Variants in SLC9B1 observed in about 807,000 individuals in gnomAD.
SLC9B1 encodes sodium/hydrogen exchanger 9B1.
SLC9B1 carries 32 observed loss-of-function variants against 51.7 expected under a neutral mutation model. The observed-to-expected ratio is 0.62, with a 90% CI of 0.47 to 0.83. The LOEUF is 0.83. SLC9B1 is among the 40% of genes least tolerant of loss of function. SLC9B1 has a pLI of 0.00. For missense variants in SLC9B1, 406 were observed against 613.2 expected (o/e 0.66, Z 3.57); for synonymous variants, 145 against 212.7 (o/e 0.68, Z 2.77).
At chr4:102,955,358 T>C (rs2110482225) in intron 3 of SLC9B1, among the ~76,000 whole-genome samples, 1 of 152,352 alleles carries the variant, frequency 6.6e-6, no homozygotes, top group East Asian at 1.9e-4. Context: ...ATTAAACCTC[T>C]TTTTCTTCCC....
At chr4:102,987,598 C>A (rs1212015437) in intron 3 of SLC9B1, among the ~76,000 whole-genome samples, 1 of 151,960 alleles carries the variant, frequency 6.6e-6, no homozygotes, top group African/African-American at 2.4e-5. Context: ...GTAAGAAGAA[C>A]AGAATACTGT....
rs556689992 is a variant in SLC9B1, at chr4:102,929,722, A to G, written c.829+2402T>C. On this transcript the variant is annotated intron_variant, in intron 7 of 11. Transcript: ENST00000296422. ...TTTTTAGTAGAGATGGAGCTTTGCT[A>G]TGTTGGCCAGGCTGGTCTTGAACTC... Among the ~76,000 whole-genome samples the G allele has an allele frequency of 5.3e-5, 8 of 152,264 alleles. No individual in the cohort carries two copies. The South Asian group carries it at 6.2e-4, about 12-fold the overall frequency.
At chr4:102,904,983 CA>C (rs58493959) in intron 11 of SLC9B1, among the ~76,000 whole-genome samples, 78,663 of 144,010 alleles carry the variant, frequency 0.55, 21,625 homozygotes, top group African/African-American at 0.67. Context: ...GACTCTGTCT[CA>C]AAAAAAAAAA....
At chr4:103,007,326 C>G (rs1740838165) in intron 1 of SLC9B1, among the ~76,000 whole-genome samples, 1 of 152,098 alleles carries the variant, frequency 6.6e-6, no homozygotes, top group South Asian at 2.1e-4. Context: ...TATACACCAA[C>G]AAGTCCAAGC....
chr4:102,966,869 G>T (rs1738457195), intron 3 of SLC9B1, among the ~76,000 whole-genome samples: 1 of 152,094 alleles, frequency 6.6e-6, no homozygotes, highest in African/African-American at 2.4e-5. Flanking sequence ...TGCTTCCCTT[G>T]TCATTTTGCA....
At chr4:102,969,448 A>T (rs1738625974) in intron 3 of SLC9B1, among the ~76,000 whole-genome samples, 1 of 152,210 alleles carries the variant, frequency 6.6e-6, no homozygotes. Flanking sequence ...CAGCATCAAC[A>T]AAAAGGACAT....
chr4:102,890,377 C>T (rs1734179264), intron 11 of SLC9B1: 1 of 152,120 alleles, frequency 6.6e-6, no homozygotes, highest in South Asian at 2.1e-4. Flanking sequence ...GTAAATGCCA[C>T]TATTTAACAA....
At chr4:103,012,442 T>C (rs1164444922) in intron 1 of SLC9B1, among the ~76,000 whole-genome samples, 1 of 152,246 alleles carries the variant, frequency 6.6e-6, no homozygotes, top group Non-Finnish European at 1.5e-5. Context: ...AGGCTCTTTA[T>C]ACAGCTCTCC....
At chr4:102,956,062 G>A (rs1298149985) in intron 3 of SLC9B1, among the ~76,000 whole-genome samples, 1 of 152,108 alleles carries the variant, frequency 6.6e-6, no homozygotes, top group Non-Finnish European at 1.5e-5. Context: ...TGGTACATGT[G>A]AAGGACAGTA....
chr4:102,929,553 C>G lies in SLC9B1; in HGVS notation c.829+2571G>C, dbSNP rs528180994. The stretch of plus-strand genomic sequence containing the variant: ...TTTTTCTTTTTTTCAGACAGTCTCC[C>G]CCTGTCACCCAGGCTGGAGTGCAGT... On this transcript the variant is annotated intron_variant, in intron 7 of 11. Transcript: ENST00000296422. Among the ~76,000 whole-genome samples the G allele has an allele frequency of 2.6e-5, 4 of 152,326 alleles. No individual in the cohort carries two copies. In the East Asian group the frequency reaches 7.7e-4, roughly 29 times the overall value.
chr4:102,885,282 G>A lies in SLC9B1; in HGVS notation c.1379C>T (p.Thr460Met), dbSNP rs780388471. ...GCACTTCTTGGCTACCTTGCAGTTC[G>A]TCCATTCCTCCCGAAGAAGAAACAA... Residue 460 changes from threonine (T) to methionine (M), a missense_variant, in exon 12 of 12, where the codon ACG becomes ATG. Coordinates refer to the SLC9B1 transcript ENST00000394789. 6.2e-6 allele frequency: 10 copies of A among 1,613,874 alleles called. No individual in the cohort carries two copies. The highest frequency in any genetic ancestry group is 4.4e-5 in the South Asian group (4 of 91,076).
In SLC9B1 at chr4:102,893,389, A is replaced by G. The variant is rs1734371198; in HGVS notation, c.1333-8061T>C. Among the ~76,000 whole-genome samples, 3 of 152,258 alleles carry G rather than the reference A, an allele frequency of 2.0e-5. No individual in the cohort carries two copies. In the South Asian group the frequency reaches 6.2e-4, roughly 32 times the overall value. ...TTGGAAAATCTAGAGAAAATGGGTA[A>G]TTTTCTGGAAAAATATAAATGACCA... On this transcript the variant is annotated intron_variant, in intron 11 of 11. Coordinates refer to the SLC9B1 transcript ENST00000394789.
intron 1 of SLC9B1, among the ~76,000 whole-genome samples, chr4:103,008,753 G>A (rs1317977682): frequency 4.0e-5 from 6 of 149,948 alleles, no homozygotes; most frequent in African/African-American, 1.5e-4. Flanking sequence ...ATAAAGTGAC[G>A]TAGGGAGTGA....
At chr4:102,938,978 G>A (rs1473116465) in intron 6 of SLC9B1, among the ~76,000 whole-genome samples, 3 of 151,846 alleles carry the variant, frequency 2.0e-5, no homozygotes, top group Non-Finnish European at 2.9e-5. Flanking sequence ...ACAGAAAAAC[G>A]AGAGGAAACC....
intron 1 of SLC9B1, among the ~76,000 whole-genome samples, chr4:103,005,725 A>T (rs1030345169): frequency 6.6e-6 from 1 of 152,156 alleles, no homozygotes; most frequent in Non-Finnish European, 1.5e-5. Context: ...TTCTCAGCAA[A>T]TTTAAAAAAA....
intron 2 of SLC9B1, among the ~76,000 whole-genome samples, chr4:102,990,529 G>C (rs560622819): frequency 6.6e-6 from 1 of 151,966 alleles, no homozygotes; most frequent in East Asian, 1.9e-4. Flanking sequence ...GGAATCTTTG[G>C]TTTGTGAGAA....
intron 11 of SLC9B1, among the ~76,000 whole-genome samples, chr4:102,893,281 CAAAAAAA>C (rs58316456): frequency 1.3e-3 from 46 of 35,166 alleles, no homozygotes; most frequent in East Asian, 4.3e-3. Flanking sequence ...GACTCCATCT[CAAAAAAA>C]AAAAAAAAAA....
intron 7 of SLC9B1, among the ~76,000 whole-genome samples, chr4:102,921,054 C>G (rs1417605067): frequency 1.3e-5 from 2 of 152,134 alleles, no homozygotes; most frequent in African/African-American, 2.4e-5. Flanking sequence ...TCAGGAAATA[C>G]AGAGAACACC....
chr4:102,949,207 C>T (rs369880571), intron 4 of SLC9B1, 50 bp downstream of exon 4: 2 of 1,354,666 alleles, frequency 1.5e-6, no homozygotes, highest in Non-Finnish European at 2.0e-6. Context: ...AAATGTTCAA[C>T]ATTTGCATAT....
Sources: gnomAD v4.1 joint callset for allele counts (sites outside exome capture counted in the v4.1 genomes callset) on GRCh38, gnomAD v4.1.1 for gene constraint, MANE v1.5 for transcripts, NCBI Gene and HGNC (gene_info 2026-07-23, HGNC 2026-07-21) for gene names.